The following ZNRF3 variants were observed in gnomAD, a reference collection of about 807,000 sequenced individuals.
ZNRF3 encodes the protein zinc and ring finger 3.
ZNRF3 carries 23 observed loss-of-function variants against 72.5 expected under a neutral mutation model. The observed-to-expected ratio is 0.32, with a 90% CI of 0.23 to 0.45. The LOEUF (loss-of-function observed/expected upper bound fraction) is 0.45. Among genes scored for constraint, ZNRF3 ranks in the 20% least tolerant of loss-of-function variants. ZNRF3 has a pLI of 1.00. For missense variants in ZNRF3, 1,169 were observed against 1,272.1 expected, an observed-to-expected ratio of 0.92 and a Z score of 1.23; for synonymous variants, 610 against 545.3, an observed-to-expected ratio of 1.12 and a Z score of -1.65.
chr22:28,972,481 G>A (rs2035594134), intron 1 of ZNRF3, among the ~76,000 whole-genome samples: 1 of 152,168 alleles, frequency 6.6e-6, no homozygotes, highest in Admixed American at 6.5e-5. Flanking sequence ...CCGTGGTGTG[G>A]GTTAACCACA....
chr22:28,972,083 T>G (rs1226277629), intron 1 of ZNRF3, among the ~76,000 whole-genome samples: 1 of 151,372 alleles, frequency 6.6e-6, no homozygotes, highest in East Asian at 1.9e-4. Context: ...CATTTACCAT[T>G]TATTTGCATA....
intron 1 of ZNRF3, among the ~76,000 whole-genome samples, chr22:28,939,296 A>AC: frequency 6.6e-6 from 1 of 151,924 alleles, no homozygotes; most frequent in East Asian, 1.9e-4. Flanking sequence ...AAAAAAAAAA[A>AC]AAACAAAACC....
chr22:29,050,623 A>C lies in ZNRF3; in HGVS notation c.2442A>C (p.Pro814=), dbSNP rs5997435. 826,972 of 1,608,626 alleles carry C rather than the reference A, an allele frequency of 0.51. 213,932 individuals carry two copies. The highest frequency in any genetic ancestry group is 0.57 in the African/African-American group (42,639 of 74,856). Residue 814 remains proline (P), a synonymous_variant, in exon 8 of 9, where the codon CCA becomes CCC. Coordinates refer to ENST00000544604, the MANE Select transcript of ZNRF3 (RefSeq NM_001206998.2). ...VSVQYTLTEE[P]PPGCYPGARD... Reference sequence around the variant, plus strand: ...TGCAGTACACGCTCACCGAGGAACCACCGCCCGGCTGCTACCCCGGGGCCC... The same window carrying C: ...TGCAGTACACGCTCACCGAGGAACCCCCGCCCGGCTGCTACCCCGGGGCCC...
At chr22:28,901,775 C>T (rs182080875) in intron 1 of ZNRF3, among the ~76,000 whole-genome samples, 94 of 150,518 alleles carry the variant, frequency 6.2e-4, no homozygotes, top group Middle Eastern at 3.4e-3. Context: ...TGAGTAGCCA[C>T]GATTACACGT....
Position 28,894,068 on chromosome 22 carries a change from C to T in ZNRF3, c.300+10002C>T, listed in dbSNP as rs925757944. ...ATCTCAGGCTCACAAGTGATCCTTC[C>T]GCCTCAGCCTCCCAAGTAACTGGGA... On this transcript the variant is annotated intron_variant, in intron 1 of 8. Transcript: ENST00000544604. Among the ~76,000 whole-genome samples the T allele has an allele frequency of 1.5e-4, 23 of 152,134 alleles. No homozygotes were observed. In the South Asian group the frequency reaches 1.9e-3, roughly 12 times the overall value.
intron 1 of ZNRF3, among the ~76,000 whole-genome samples, chr22:28,961,291 A>C (rs2035354064): frequency 6.6e-6 from 1 of 152,212 alleles, no homozygotes; most frequent in Non-Finnish European, 1.5e-5. Context: ...TCCAAAGTGC[A>C]TTTTGGAGGG....
At chr22:29,003,234 T>A (rs970986480) in intron 2 of ZNRF3, among the ~76,000 whole-genome samples, 2 of 152,188 alleles carry the variant, frequency 1.3e-5, no homozygotes, top group African/African-American at 4.8e-5. Context: ...CCATTTGTTT[T>A]GGCTGGGCGC....
chr22:29,036,702 C>T (rs1367182235), intron 2 of ZNRF3, among the ~76,000 whole-genome samples: 2 of 152,204 alleles, frequency 1.3e-5, no homozygotes, highest in Non-Finnish European at 2.9e-5. Flanking sequence ...CAGGGCCTAC[C>T]TATGTCCTCT....
intron 1 of ZNRF3, among the ~76,000 whole-genome samples, chr22:28,922,769 G>T (rs996951844): frequency 1.3e-5 from 2 of 152,160 alleles, no homozygotes; most frequent in African/African-American, 4.8e-5. Context: ...TTTTGTGCCC[G>T]ATCTATATGT....
At chr22:28,987,320 C>G (rs994887076) in intron 2 of ZNRF3, 119 bp downstream of exon 2, 1 of 1,443,110 alleles carries the variant, frequency 6.9e-7, no homozygotes, top group South Asian at 1.5e-5. Context: ...TGCTCCTTCC[C>G]GGCTGAAGTT....
In ZNRF3 at chr22:29,048,189, T is replaced by C. The variant is rs1402846865; in HGVS notation, c.913-200T>C. On this transcript the variant is annotated intron_variant, in intron 6 of 8. Coordinates refer to ENST00000544604, the MANE Select transcript of ZNRF3 (RefSeq NM_001206998.2). This position sits in a 1 kb window ranked among gnomAD's most constrained non-coding sequence, Gnocchi z 4.9. ...TAACACTGAGGACTGTGGATGGGGC[T>C]GACTGCTGGCAGTTTCCTTCTTCCT... Among the ~76,000 whole-genome samples the C allele has an allele frequency of 6.6e-6, 1 of 152,198 alleles. No individual in the cohort carries two copies. Among genetic ancestry groups the C allele is most frequent in the Admixed American group, 6.5e-5 (1 of 15,278 alleles).
chr22:28,920,518 A>T (rs1601559306), intron 1 of ZNRF3, among the ~76,000 whole-genome samples: 1 of 152,022 alleles, frequency 6.6e-6, no homozygotes, highest in Non-Finnish European at 1.5e-5. Context: ...TGATCCACCC[A>T]CCTCGGCCTC....
intron 8 of ZNRF3, among the ~76,000 whole-genome samples, chr22:29,052,716 C>T (rs539095700): frequency 2.0e-4 from 31 of 151,718 alleles, no homozygotes; most frequent in Non-Finnish European, 3.8e-4. Flanking sequence ...AAAGTTAACT[C>T]CTGGCTGAGT....
chr22:28,967,155 T>C (rs2035484067), intron 1 of ZNRF3, among the ~76,000 whole-genome samples: 1 of 152,210 alleles, frequency 6.6e-6, no homozygotes, highest in African/African-American at 2.4e-5. Context: ...GTGCTGGGAT[T>C]ACAGGCGTGA....
At chr22:29,023,083 C>T (rs1189894320) in intron 2 of ZNRF3, among the ~76,000 whole-genome samples, 1 of 152,134 alleles carries the variant, frequency 6.6e-6, no homozygotes, top group Non-Finnish European at 1.5e-5. Flanking sequence ...TTTCCTGGTA[C>T]AGGAATTCTG....
chr22:28,954,470 TGGG>T (rs1271597195), intron 1 of ZNRF3, among the ~76,000 whole-genome samples: 1 of 152,188 alleles, frequency 6.6e-6, no homozygotes, highest in Admixed American at 6.5e-5. Context: ...AAGTGCATAT[TGGG>T]GGAGTTAGGG....
At chr22:29,005,597 G>A (rs1265755047) in intron 2 of ZNRF3, among the ~76,000 whole-genome samples, 1 of 152,218 alleles carries the variant, frequency 6.6e-6, no homozygotes, top group Non-Finnish European at 1.5e-5. Flanking sequence ...AGCTGGGGTG[G>A]TGAGGGTGGT....
chr22:29,044,156 G>T (rs62236878), intron 4 of ZNRF3, among the ~76,000 whole-genome samples: 2,872 of 152,292 alleles, frequency 0.019, 38 homozygotes, highest in Middle Eastern at 0.041. Context: ...CTTCCACTTT[G>T]CAAAGCTCTA....
chr22:28,936,474 G>A (rs2034822264), intron 1 of ZNRF3, among the ~76,000 whole-genome samples: 1 of 152,128 alleles, frequency 6.6e-6, no homozygotes, highest in South Asian at 2.1e-4. Context: ...TAGTGCCCCG[G>A]TACCTCTCCT....
Sources: gnomAD v4.1 joint callset for allele counts (sites outside exome capture counted in the v4.1 genomes callset) on GRCh38, gnomAD v4.1.1 for gene constraint, Gnocchi (gnomAD v3.1) non-coding constraint, MANE v1.5 for transcripts, NCBI Gene and HGNC (gene_info 2026-07-23, HGNC 2026-07-21) for gene names.